Variants in HNF1B observed in about 807,000 individuals in gnomAD.
The protein encoded by HNF1B is hepatocyte nuclear factor 1-beta.
HNF1B carries 8 observed loss-of-function variants against 61.7 expected under a neutral mutation model. The ratio of observed to expected loss-of-function variants is 0.13; its 90% CI spans 0.08 to 0.23. The LOEUF (loss-of-function observed/expected upper bound fraction) is 0.23. HNF1B is among the 10% of genes least tolerant of loss of function. HNF1B has a pLI of 1.00. For missense variants in HNF1B, 562 were observed against 714.5 expected, an observed-to-expected ratio of 0.79 and a Z score of 2.43; for synonymous variants, 314 against 287.7, an observed-to-expected ratio of 1.09 and a Z score of -0.93.
At position 37,710,601 on chromosome 17, in the gene HNF1B, C is replaced by T. The variant is rs113042313; in HGVS notation, c.1108G>A (p.Gly370Ser). The change falls in exon 5 of 9, where the codon GGC becomes AGC. Residue 370 changes from glycine (G) to serine (S), a missense_variant. Around this residue, in one of 6 missense-constraint regions of HNF1B, gnomAD observed 211 missense variants for 200.7 expected, o/e 1.05. Transcript: ENST00000617811. ...TGGCTGGTCACCATGGCGCTGTTGC[C>T]ATGGTGACTGATTGTTGAGGAGGAA... is the stretch of plus-strand genomic sequence containing the variant. ...ITSSSTISHH[G>S]NSAMVTSQSV... is the part of the protein sequence containing the mutation. The T allele has an allele frequency of 1.4e-4, 230 of 1,614,076 alleles. 3 individuals carry two copies. In the African/African-American group the frequency reaches 2.2e-3, roughly 16 times the overall value.
chr17:37,744,905 A>AAAAG lies in HNF1B; in HGVS notation c.-22_-21insCTTT. ...ACCATTTTCCAAGGACGGAAAAAGA[A>AAAAG]GGGGGTGAGGGGGTGGGTGGGTGCG... On this transcript the variant is annotated 5_prime_UTR_variant, in exon 1 of 9. Coordinates refer to ENST00000617811, the MANE Select transcript of HNF1B (RefSeq NM_000458.4). 3.3e-6 allele frequency: 1 copy of AAAAG among 306,262 alleles called. No individual in the cohort carries two copies. Among genetic ancestry groups the AAAAG allele is most frequent in the Non-Finnish European group, 6.2e-6 (1 of 160,566 alleles). The allele number at this position is 306,262 out of a possible 1,614,324, so 19.0% of individuals were successfully genotyped here. A position where few individuals can be genotyped will look rare whatever the true frequency, so the allele number is the denominator to read the frequency against.
intron 2 of HNF1B, among the ~76,000 whole-genome samples, chr17:37,734,991 T>C (rs1272655727): frequency 1.3e-5 from 2 of 152,048 alleles, no homozygotes; most frequent in Admixed American, 6.6e-5. Flanking sequence ...GGTTTCATCA[T>C]GTTGGGCAGG....
At chr17:37,731,211 C>G (rs2147542350) in intron 4 of HNF1B, 1 of 369,416 alleles carries the variant, frequency 2.7e-6, no homozygotes. Flanking sequence ...GTGCCATCCT[C>G]CAACACAGTG....
intron 8 of HNF1B, among the ~76,000 whole-genome samples, chr17:37,691,159 G>A (rs1265247151): frequency 6.6e-6 from 1 of 152,182 alleles, no homozygotes; most frequent in Non-Finnish European, 1.5e-5. Flanking sequence ...ATTGGTTTCA[G>A]CAGCATGGAG....
intron 8 of HNF1B, among the ~76,000 whole-genome samples, chr17:37,697,841 T>C (rs1221953750): frequency 1.3e-5 from 2 of 152,050 alleles, no homozygotes; most frequent in Non-Finnish European, 2.9e-5. Flanking sequence ...GCTGCCCTGG[T>C]CGTGTGTGTG....
chr17:37,735,579 G>A (rs1394720209), intron 2 of HNF1B, among the ~76,000 whole-genome samples: 1 of 152,286 alleles, frequency 6.6e-6, no homozygotes, highest in Admixed American at 6.5e-5. Flanking sequence ...CCTGTCAAAT[G>A]TACTAGCAGG....
intron 8 of HNF1B, among the ~76,000 whole-genome samples, chr17:37,696,856 G>C (rs1352574676): frequency 6.6e-6 from 1 of 152,186 alleles, no homozygotes; most frequent in Non-Finnish European, 1.5e-5. Flanking sequence ...TTCACCTTGG[G>C]TACCTTCTGC....
rs1471170030 is a variant in HNF1B, at chr17:37,701,062, G to A, written c.1455C>T (p.Pro485=). The A allele has an allele frequency of 3.2e-6, 5 of 1,555,096 alleles. No homozygotes were observed. Among genetic ancestry groups the A allele is most frequent in the Non-Finnish European group, 4.4e-6 (5 of 1,148,984 alleles). Residue 485 remains proline, a synonymous_variant, in exon 7 of 9, where the codon CCC becomes CCT. Coordinates refer to ENST00000617811, the MANE Select transcript of HNF1B (RefSeq NM_000458.4). ...SQQLHSPHQQ[P]LMQQSPGSHM... is the part of the protein sequence containing the mutation. ...GGCTGCCTGGGCTCTGCTGCATGAG[G>A]GGCTGCTGGTGAGGGCTGTGCAGCT...
At chr17:37,736,017 C>A (rs2033822979) in intron 2 of HNF1B, among the ~76,000 whole-genome samples, 1 of 152,248 alleles carries the variant, frequency 6.6e-6, no homozygotes. Flanking sequence ...TTCCCGCCAC[C>A]TCAGCCTCCC....
At chr17:37,700,899 G>A (rs902377595) in intron 7 of HNF1B, 84 bp downstream of exon 7, 21 of 1,308,332 alleles carry the variant, frequency 1.6e-5, no homozygotes, top group East Asian at 1.0e-4. Flanking sequence ...ATAAACTTCC[G>A]AGAAAGTTCA....
chr17:37,742,173 G>C (rs892193964), intron 1 of HNF1B, among the ~76,000 whole-genome samples: 2 of 152,218 alleles, frequency 1.3e-5, no homozygotes, highest in African/African-American at 4.8e-5. Flanking sequence ...TGCTGCCCAC[G>C]AGCAGAGAAG....
intron 2 of HNF1B, 89 bp from the exon 3 acceptor site, chr17:37,733,910 C>T (rs1431563865): frequency 3.4e-6 from 5 of 1,449,372 alleles, no homozygotes; most frequent in Admixed American, 3.4e-5. Context: ...GACGAAGACA[C>T]CTTTATTCCC....
At chr17:37,691,449 T>C (rs1457731369) in intron 8 of HNF1B, among the ~76,000 whole-genome samples, 1 of 152,152 alleles carries the variant, frequency 6.6e-6, no homozygotes, top group Non-Finnish European at 1.5e-5. Flanking sequence ...GTAAGAGCAC[T>C]TCTTTCAACC....
chr17:37,692,879 G>A (rs1459010355), intron 8 of HNF1B, among the ~76,000 whole-genome samples: 2 of 152,106 alleles, frequency 1.3e-5, no homozygotes, highest in African/African-American at 4.8e-5. Flanking sequence ...TGTAGACCAA[G>A]CACTGAATTG....
intron 5 of HNF1B, among the ~76,000 whole-genome samples, chr17:37,706,674 A>G (rs1045725462): frequency 8.4e-5 from 8 of 95,090 alleles, no homozygotes; most frequent in Admixed American, 7.3e-4. Flanking sequence ...AATACCAGTC[A>G]TTAAAAAAAA....
At chr17:37,688,884 C>T (rs1039279827) in intron 8 of HNF1B, among the ~76,000 whole-genome samples, 8 of 152,132 alleles carry the variant, frequency 5.3e-5, no homozygotes, top group African/African-American at 1.7e-4. Flanking sequence ...CAGTGCCTCA[C>T]GCCTGTAATC....
intron 1 of HNF1B, among the ~76,000 whole-genome samples, chr17:37,743,432 A>G (rs2034063229): frequency 6.6e-6 from 1 of 152,212 alleles, no homozygotes; most frequent in Admixed American, 6.5e-5. Context: ...GTGTTTGGGG[A>G]AAAAAAATCT....
chr17:37,715,117 T>C (rs1041653724), intron 4 of HNF1B, among the ~76,000 whole-genome samples: 3 of 152,254 alleles, frequency 2.0e-5, no homozygotes, highest in East Asian at 3.9e-4. Context: ...CTCTTCTTGA[T>C]TCATCCTGGG....
At chr17:37,710,374 T>C in intron 5 of HNF1B, 129 bp downstream of exon 5, 1 of 1,248,244 alleles carries the variant, frequency 8.0e-7, no homozygotes, top group East Asian at 2.3e-5. Flanking sequence ...TTTCCGACTC[T>C]GGACAGCCCT....
Sources: gnomAD v4.1 joint callset for allele counts (sites outside exome capture counted in the v4.1 genomes callset) on GRCh38, gnomAD v4.1.1 for gene constraint, gnomAD v4.1.1 regional missense constraint, MANE v1.5 for transcripts, NCBI Gene and HGNC (gene_info 2026-07-23, HGNC 2026-07-21) for gene names.